Variants in IL1RAPL1 observed in about 807,000 individuals in gnomAD.
IL1RAPL1 encodes interleukin 1 receptor accessory protein like 1.
IL1RAPL1 carries 3 observed loss-of-function variants against 48.4 expected under a neutral mutation model. The observed-to-expected ratio is 0.06, with a 90% CI of 0.03 to 0.16. The LOEUF is 0.16. IL1RAPL1 is among the 10% of genes least tolerant of loss of function. IL1RAPL1 has a pLI of 1.00. For synonymous variants in IL1RAPL1, 185 were observed against 187.7 expected, an observed-to-expected ratio of 0.99 and a Z score of 0.12; for missense variants, 349 against 530.6, an observed-to-expected ratio of 0.66 and a Z score of 3.36.
chrX:28,673,208 T>A (rs1448681200), intron 1 of IL1RAPL1, among the ~76,000 whole-genome samples: 1 of 111,958 alleles, frequency 8.9e-6, no homozygotes, highest in African/African-American at 3.2e-5. Context: ...TACATCTATG[T>A]GATCTTTGAC....
At chrX:29,708,043 A>G (rs1370229708) in intron 6 of IL1RAPL1, among the ~76,000 whole-genome samples, 2 of 111,296 alleles carry the variant, frequency 1.8e-5, no homozygotes, top group African/African-American at 6.5e-5. Flanking sequence ...AATTTTCTAA[A>G]TTCTTCTTTT....
chrX:29,615,949 G>A (rs1386459540), intron 5 of IL1RAPL1, among the ~76,000 whole-genome samples: 1 of 111,421 alleles, frequency 9.0e-6, no homozygotes, highest in Non-Finnish European at 1.9e-5. Context: ...GCCTACACTT[G>A]ATCTCACTGC....
chrX:29,674,285 G>A (rs1048891633), intron 6 of IL1RAPL1, among the ~76,000 whole-genome samples: 2 of 111,202 alleles, frequency 1.8e-5, no homozygotes, highest in Admixed American at 9.5e-5. Flanking sequence ...AATTAGCTTG[G>A]TGTGTTGGCA....
chrX:29,016,194 G>A (rs928579691), intron 2 of IL1RAPL1, among the ~76,000 whole-genome samples: 1 of 111,561 alleles, frequency 9.0e-6, no homozygotes, highest in Non-Finnish European at 1.9e-5. Context: ...GAATGATAAA[G>A]CCTGCACTAG....
intron 2 of IL1RAPL1, among the ~76,000 whole-genome samples, chrX:29,059,670 G>T (rs748383607): frequency 6.3e-4 from 70 of 111,704 alleles, no homozygotes; most frequent in African/African-American, 2.2e-3. Flanking sequence ...GGAAGTCTTT[G>T]CATAATTTGA....
chrX:29,920,689 A>G (rs1314542798), intron 8 of IL1RAPL1, among the ~76,000 whole-genome samples: 10 of 103,720 alleles, frequency 9.6e-5, no homozygotes, highest in African/African-American at 3.2e-4. Flanking sequence ...CAGCTATTTG[A>G]GAGGCTGAGG....
intron 2 of IL1RAPL1, among the ~76,000 whole-genome samples, chrX:29,222,004 C>T (rs926374868): frequency 4.5e-5 from 3 of 66,299 alleles, no homozygotes; most frequent in East Asian, 4.5e-4. Context: ...AGTGAGAGAG[C>T]GAGATTCCGT....
chrX:29,615,457 T>C (rs1012205562), intron 5 of IL1RAPL1, among the ~76,000 whole-genome samples: 5 of 110,961 alleles, frequency 4.5e-5, no homozygotes, highest in African/African-American at 1.6e-4. Context: ...AAAAGTTCTC[T>C]GCTAGCTTCC....
chrX:28,671,303 A>G (rs1245798375), intron 1 of IL1RAPL1, among the ~76,000 whole-genome samples: 1 of 112,326 alleles, frequency 8.9e-6, no homozygotes, highest in East Asian at 2.8e-4. Context: ...AATAGTAAAA[A>G]TAATGCTACT....
intron 2 of IL1RAPL1, among the ~76,000 whole-genome samples, chrX:29,070,765 A>C (rs1602042397): frequency 8.9e-6 from 1 of 112,008 alleles, no homozygotes; most frequent in South Asian, 3.7e-4. Context: ...CTGGCAAAAA[A>C]AGGTTTGGAA....
chrX:29,529,815 AAG>A (rs1274330187), intron 5 of IL1RAPL1, among the ~76,000 whole-genome samples: 1 of 111,302 alleles, frequency 9.0e-6, no homozygotes, highest in Non-Finnish European at 1.9e-5. Context: ...TTGTGTGTGA[AAG>A]AGAGAGAAAG....
intron 1 of IL1RAPL1, among the ~76,000 whole-genome samples, chrX:28,616,578 C>T (rs904346813): frequency 5.4e-5 from 6 of 110,604 alleles, no homozygotes; most frequent in African/African-American, 9.9e-5. Flanking sequence ...GGACTACAGG[C>T]GTACGCCACC....
intron 6 of IL1RAPL1, among the ~76,000 whole-genome samples, chrX:29,830,692 A>G (rs752012106): frequency 1.8e-5 from 2 of 110,664 alleles, no homozygotes; most frequent in South Asian, 3.9e-4. Flanking sequence ...GCCTCAAGTG[A>G]TCCACCCATC....
chrX:29,371,968 T>G (rs145973644), intron 3 of IL1RAPL1, among the ~76,000 whole-genome samples: 35 of 112,339 alleles, frequency 3.1e-4, no homozygotes, highest in African/African-American at 1.0e-3. Context: ...ATAATGGGAT[T>G]GCTGGATTGA....
intron 2 of IL1RAPL1, among the ~76,000 whole-genome samples, chrX:29,081,441 G>T (rs1405494012): frequency 9.0e-6 from 1 of 110,737 alleles, no homozygotes; most frequent in Non-Finnish European, 1.9e-5. Context: ...GGGCTCAAGC[G>T]ATCTGCCCAC....
At chrX:29,091,913 T>C (rs1327159893) in intron 2 of IL1RAPL1, among the ~76,000 whole-genome samples, 1 of 111,241 alleles carries the variant, frequency 9.0e-6, no homozygotes, top group Non-Finnish European at 1.9e-5. Context: ...GGAGGCATTT[T>C]CCCCTGATTT....
chrX:29,498,979 A>G (rs1052443969), intron 5 of IL1RAPL1, among the ~76,000 whole-genome samples: 21 of 112,385 alleles, frequency 1.9e-4, no homozygotes, highest in Non-Finnish European at 3.8e-5. Flanking sequence ...ATAAGAATCA[A>G]ACCACAAAGG....
intron 5 of IL1RAPL1, among the ~76,000 whole-genome samples, chrX:29,401,033 T>C (rs1933986974): frequency 9.0e-6 from 1 of 111,551 alleles, no homozygotes; most frequent in Admixed American, 9.6e-5. Flanking sequence ...AACACTGGGC[T>C]CTGAATGGTA....
chrX:29,710,262 AT>A (rs1927302380), intron 6 of IL1RAPL1, among the ~76,000 whole-genome samples: 4 of 109,757 alleles, frequency 3.6e-5, no homozygotes, highest in Admixed American at 2.9e-4. Flanking sequence ...TAAGCTTTCA[AT>A]TTTTTATCAT....
Sources: allele counts gnomAD v4.1 joint callset (sites outside exome capture counted in the v4.1 genomes callset), GRCh38; gene constraint gnomAD v4.1.1; transcripts MANE v1.5; gene names NCBI Gene and HGNC (gene_info 2026-07-23, HGNC 2026-07-21).